KNTC1: variants seen among roughly 807,000 people sequenced by gnomAD.
KNTC1 encodes kinetochore-associated protein 1.
KNTC1 carries 253 observed loss-of-function variants against 314.4 expected under a neutral mutation model. The observed-to-expected ratio is 0.80, with a 90% CI of 0.73 to 0.89. The LOEUF is 0.89. Among genes scored for constraint, KNTC1 ranks in the 40% least tolerant of loss-of-function variants. KNTC1 has a pLI of 0.00. For missense variants in KNTC1, 2,475 were observed against 2,572.9 expected, an observed-to-expected ratio of 0.96 and a Z score of 0.82; for synonymous variants, 901 against 901.4, an observed-to-expected ratio of 1.00 and a Z score of 0.01.
chr12:122,575,600 G>T lies in KNTC1; in HGVS notation c.2440G>T (p.Ala814Ser). 5 of 1,598,736 alleles carry T rather than the reference G, an allele frequency of 3.1e-6. No homozygotes were observed. The highest frequency in any genetic ancestry group is 4.3e-6 in the Non-Finnish European group (5 of 1,172,416). Reference sequence around the variant, plus strand: ...TGCGGCAGTGGTTCCTTGGAGTGCAGCTGTGGAGCAACTGGTGAAACAGCA... The same window carrying T: ...TGCGGCAGTGGTTCCTTGGAGTGCATCTGTGGAGCAACTGGTGAAACAGCA... ...MYAAVVPWSA[A>S]VEQLVKQHLE... The change falls in exon 28 of 64, where the codon GCT (alanine) becomes TCT (serine). Residue 814 changes from alanine (A) to serine (S), a missense_variant. By Grantham distance (99) the Ala-to-Ser change is moderately conservative. Coordinates refer to ENST00000333479, the MANE Select transcript of KNTC1 (RefSeq NM_014708.6).
rs894007649 is a variant in KNTC1 at position 122,530,185 on chromosome 12, C to T, written c.122C>T (p.Ser41Phe). The T allele has an allele frequency of 6.2e-7, 1 of 1,612,744 alleles. No homozygotes were observed. Among genetic ancestry groups the T allele is most frequent in the South Asian group, 1.1e-5 (1 of 90,902 alleles). The change falls in exon 2 of 64, where the codon TCT becomes TTT. Residue 41 changes from serine to phenylalanine, a missense_variant. By Grantham distance (155) the Ser-to-Phe change is radical (BLOSUM62 -2). Transcript: ENST00000333479. ...YQVDLLVKIS[S>F]EKASLNPKIQ... ...GTAGATTTGCTAGTGAAGATCTCTT[C>T]TGAAAAGGTAGTGATTATTACACTG...
chr12:122,611,849 C>A (rs984038804), intron 53 of KNTC1: 2 of 152,068 alleles, frequency 1.3e-5, no homozygotes, highest in South Asian at 4.1e-4. Context: ...CAAATCACTT[C>A]GTCCCCATGG....
chr12:122,563,810 T>C, intron 20 of KNTC1: 1 of 1,471,416 alleles, frequency 6.8e-7, no homozygotes, highest in South Asian at 1.5e-5. Flanking sequence ...TTTTTTCAGC[T>C]TCAGCAGGAG....
chr12:122,549,466 C>T (rs117907329), intron 12 of KNTC1, among the ~76,000 whole-genome samples: 11,523 of 152,266 alleles, frequency 0.076, 570 homozygotes, highest in Middle Eastern at 0.13. Flanking sequence ...TCTTCTGCCT[C>T]AGCCTCCCCA....
intron 12 of KNTC1, among the ~76,000 whole-genome samples, chr12:122,549,419 G>A (rs1053573043): frequency 6.6e-6 from 1 of 151,700 alleles, no homozygotes; most frequent in Non-Finnish European, 1.5e-5. Context: ...GCACAATCTC[G>A]GCTCACTGCA....
At chr12:122,619,211 C>G (rs756843905) in intron 59 of KNTC1, among the ~76,000 whole-genome samples, 30 of 150,192 alleles carry the variant, frequency 2.0e-4, no homozygotes, top group South Asian at 1.5e-3. Context: ...GCACGTGCCA[C>G]CATGCCAGGC....
At chr12:122,587,303 A>C (rs745589635) in intron 38 of KNTC1, among the ~76,000 whole-genome samples, 24 of 152,202 alleles carry the variant, frequency 1.6e-4, no homozygotes, top group Non-Finnish European at 3.4e-4. Flanking sequence ...GTAGTTCTAG[A>C]AATTTCTTGA....
chr12:122,598,421 CTT>C (rs11395342), intron 44 of KNTC1, among the ~76,000 whole-genome samples: 5 of 124,246 alleles, frequency 4.0e-5, no homozygotes, highest in Non-Finnish European at 4.9e-5. Flanking sequence ...TTTTTCTTTT[CTT>C]TTTTTTTTTT....
At position 122,547,397 on chromosome 12, in the gene KNTC1, G is replaced by A. The variant is rs1477058248; in HGVS notation, c.817-18G>A. On this transcript the variant is annotated intron_variant, in intron 10 of 63. Coordinates refer to ENST00000333479, the MANE Select transcript of KNTC1 (RefSeq NM_014708.6). ...TCTCAAAAAAAAAGGACATGTAAATGAAATGTCTCTATTGCAGAACGTGCT... is the reference window on the plus strand; with the variant it reads ...TCTCAAAAAAAAAGGACATGTAAATAAAATGTCTCTATTGCAGAACGTGCT... 3 of 1,485,378 alleles carry A rather than the reference G, an allele frequency of 2.0e-6. No individual in the cohort carries two copies. The highest frequency in any genetic ancestry group is 1.4e-5 in the African/African-American group (1 of 72,206). The allele number at this position is 1,485,378 out of a possible 1,614,324, so 92.0% of individuals were successfully genotyped here. A position where few individuals can be genotyped will look rare whatever the true frequency, so the allele number is the denominator to read the frequency against.
At chr12:122,540,948 A>G (rs1962257190) in intron 5 of KNTC1, among the ~76,000 whole-genome samples, 1 of 152,260 alleles carries the variant, frequency 6.6e-6, no homozygotes, top group Non-Finnish European at 1.5e-5. Context: ...AGGTGGGAGC[A>G]TTGCTTCAGT....
chr12:122,584,411 C>A lies in KNTC1; in HGVS notation c.3397C>A (p.His1133Asn). Reference sequence around the variant, plus strand: ...GGGACTGAATCTTCCTTCCATGATACATGATCTAGCAAGCCAAGCTGCCAC... The same window carrying A: ...GGGACTGAATCTTCCTTCCATGATAAATGATCTAGCAAGCCAAGCTGCCAC... ...PVGLNLPSMI[H>N]DLASQAATIC... The change falls in exon 35 of 64, where the codon CAT becomes AAT. Residue 1133 changes from histidine (H) to asparagine (N), a missense_variant. By Grantham distance (68) the His-to-Asn change is moderately conservative. Coordinates refer to ENST00000333479, the MANE Select transcript of KNTC1 (RefSeq NM_014708.6). 2 of 1,611,944 alleles carry A rather than the reference C, an allele frequency of 1.2e-6. No individual in the cohort carries two copies. The highest frequency in any genetic ancestry group is 1.7e-6 in the Non-Finnish European group (2 of 1,178,736).
chr12:122,529,044 A>C (rs1398773400), intron 1 of KNTC1, among the ~76,000 whole-genome samples: 1 of 152,050 alleles, frequency 6.6e-6, no homozygotes, highest in Non-Finnish European at 1.5e-5. Flanking sequence ...GGGTTTCGTC[A>C]TGTTGGCCAG....
At chr12:122,578,569 C>T (rs1039001269) in intron 31 of KNTC1, among the ~76,000 whole-genome samples, 5 of 151,942 alleles carry the variant, frequency 3.3e-5, no homozygotes, top group Admixed American at 6.6e-5. Context: ...TACAGGCGTC[C>T]GCCACCACAC....
At position 122,613,213 on chromosome 12, in the gene KNTC1, A is replaced by G; in HGVS notation, c.5724A>G (p.Lys1908=). The G allele has an allele frequency of 6.3e-7, 1 of 1,596,664 alleles. No individual in the cohort carries two copies. The highest frequency in any genetic ancestry group is 1.7e-5 in the Admixed American group (1 of 59,540). ...AAACTATAGAATCTCTCTTTAAAAA[A>G]CCCATTGAAGAAGTGAAGTAAGTAG... ...DKETIESLFK[K]PIEEVKSYLR... Residue 1908 remains lysine, a synonymous_variant, in exon 54 of 64, where the codon AAA becomes AAG. Transcript: ENST00000333479.
intron 33 of KNTC1, 79 bp from the exon 34 acceptor site, chr12:122,582,626 A>C: frequency 1.5e-6 from 2 of 1,345,574 alleles, no homozygotes; most frequent in Non-Finnish European, 2.0e-6. Context: ...AATTATGAAA[A>C]AAAAAACTAA....
At chr12:122,601,479 A>G (rs1371510682) in intron 44 of KNTC1, 57 bp from the exon 45 acceptor site, 6 of 1,390,860 alleles carry the variant, frequency 4.3e-6, no homozygotes, top group Non-Finnish European at 5.8e-6. Context: ...GTAATTGAAT[A>G]AAATTTCAAC....
At position 122,575,828 on chromosome 12, in the gene KNTC1, C is replaced by T; in HGVS notation, c.2515C>T (p.Leu839=). The T allele has an allele frequency of 3.1e-6, 5 of 1,613,026 alleles. No homozygotes were observed. In the South Asian group the frequency reaches 3.3e-5, roughly 11 times the overall value. The stretch of plus-strand genomic sequence containing the variant: ...CAAGTTATTACAGGAAAGTTACAAA[C>T]TAATGGAGATGAAAAAACTTTTACG... ...KVKLLQESYK[L]MEMKKLLRGY... Residue 839 remains leucine, a synonymous_variant, in exon 29 of 64, where the codon CTA becomes TTA. Coordinates refer to ENST00000333479, the MANE Select transcript of KNTC1 (RefSeq NM_014708.6).
At chr12:122,625,589 C>CAAAAAAAAAAAAAAAAAAAAAAAA (rs902770670) in intron 63 of KNTC1, among the ~76,000 whole-genome samples, 1 of 103,100 alleles carries the variant, frequency 9.7e-6, no homozygotes. Context: ...CAAAACAAAA[C>CAAAAAAAAAAAAAAAAAAAAAAAA]AAAAAAAAAA....
At chr12:122,546,102 C>A (rs1038833333) in intron 8 of KNTC1, 74 bp from the exon 9 acceptor site, 10 of 835,908 alleles carry the variant, frequency 1.2e-5, no homozygotes, top group African/African-American at 3.4e-5. Context: ...ATAAAACTTA[C>A]ATGTTTCTAC....
Sources: gnomAD v4.1 joint callset for allele counts (sites outside exome capture counted in the v4.1 genomes callset) on GRCh38, gnomAD v4.1.1 for gene constraint, MANE v1.5 for transcripts, NCBI Gene and HGNC (gene_info 2026-07-23, HGNC 2026-07-21) for gene names.